CNTNAP2: variants seen among roughly 807,000 people sequenced by gnomAD.
CNTNAP2 encodes the protein contactin-associated protein-like 2.
A neutral mutation model predicts 155.2 loss-of-function variants in CNTNAP2; 98 were observed. The observed-to-expected ratio is 0.63, with a 90% CI of 0.54 to 0.75. The LOEUF (loss-of-function observed/expected upper bound fraction) is 0.75. Among genes scored for constraint, CNTNAP2 ranks in the 30% least tolerant of loss-of-function variants. The pLI, the probability that CNTNAP2 is intolerant of heterozygous loss-of-function variation, is 0.00. For synonymous variants in CNTNAP2, 651 were observed against 631.2 expected (o/e 1.03, Z -0.47); for missense variants, 1,727 against 1,688.1 (o/e 1.02, Z -0.40).
At chr7:146,804,144 G>A (rs959504478) in intron 2 of CNTNAP2, among the ~76,000 whole-genome samples, 6 of 152,012 alleles carry the variant, frequency 3.9e-5, no homozygotes, top group Non-Finnish European at 8.8e-5. Context: ...AAATGGGCTG[G>A]CAAAGGAAGC....
At chr7:147,269,962 T>C (rs1804704475) in intron 8 of CNTNAP2, among the ~76,000 whole-genome samples, 2 of 152,136 alleles carry the variant, frequency 1.3e-5, no homozygotes, top group East Asian at 1.9e-4. Flanking sequence ...TTCAGGAGGC[T>C]GAGATGGAAG....
At chr7:148,178,853 C>T (rs1794987826) in intron 18 of CNTNAP2, among the ~76,000 whole-genome samples, 1 of 152,214 alleles carries the variant, frequency 6.6e-6, no homozygotes, top group Non-Finnish European at 1.5e-5. Context: ...TTTGTTTTTA[C>T]TTAATTCATG....
intron 13 of CNTNAP2, among the ~76,000 whole-genome samples, chr7:147,801,352 T>G (rs574376121): frequency 6.6e-6 from 1 of 151,090 alleles, no homozygotes; most frequent in East Asian, 2.0e-4. Context: ...TATTGATCAT[T>G]CTTGGGTGTT....
chr7:148,314,628 C>T (rs1268872378), intron 21 of CNTNAP2, among the ~76,000 whole-genome samples: 1 of 151,668 alleles, frequency 6.6e-6, no homozygotes, highest in African/African-American at 2.4e-5. Context: ...AAAAGCGGTA[C>T]TTGCCGCTGA....
At chr7:148,379,455 G>A (rs1160638391) in intron 21 of CNTNAP2, among the ~76,000 whole-genome samples, 1 of 151,644 alleles carries the variant, frequency 6.6e-6, no homozygotes, top group African/African-American at 2.4e-5. Context: ...TATAATCCCA[G>A]CACTCTGGGA....
At chr7:146,563,885 T>G (rs1433556162) in intron 1 of CNTNAP2, among the ~76,000 whole-genome samples, 1 of 152,142 alleles carries the variant, frequency 6.6e-6, no homozygotes, top group African/African-American at 2.4e-5. Flanking sequence ...GTCTCCCTAA[T>G]TCATTCAGAG....
At chr7:147,376,119 A>G (rs752861489) in intron 9 of CNTNAP2, among the ~76,000 whole-genome samples, 4 of 152,082 alleles carry the variant, frequency 2.6e-5, no homozygotes, top group Non-Finnish European at 5.9e-5. Context: ...TAAAAGTTGC[A>G]TCTGTTAAAT....
chr7:146,732,263 T>C (rs1375606917), intron 1 of CNTNAP2, among the ~76,000 whole-genome samples: 2 of 152,148 alleles, frequency 1.3e-5, no homozygotes, highest in Non-Finnish European at 1.5e-5. Context: ...GCCGATGACA[T>C]AAAAGCTTAT....
At chr7:146,372,045 A>G (rs903817754) in intron 1 of CNTNAP2, among the ~76,000 whole-genome samples, 5 of 152,174 alleles carry the variant, frequency 3.3e-5, no homozygotes, top group Non-Finnish European at 5.9e-5. Context: ...AAATAAAGGT[A>G]ATTGTAAAGA....
chr7:146,858,200 G>A (rs1795030581), intron 3 of CNTNAP2, among the ~76,000 whole-genome samples: 1 of 152,216 alleles, frequency 6.6e-6, no homozygotes, highest in Non-Finnish European at 1.5e-5. Flanking sequence ...TGCCAGAGGA[G>A]TACTTAGTGT....
At chr7:147,404,187 C>T (rs1300132998) in intron 10 of CNTNAP2, among the ~76,000 whole-genome samples, 1 of 152,158 alleles carries the variant, frequency 6.6e-6, no homozygotes, top group Non-Finnish European at 1.5e-5. Flanking sequence ...TCACGTTATT[C>T]AAAACTCTAC....
intron 7 of CNTNAP2, among the ~76,000 whole-genome samples, chr7:147,130,022 T>G (rs911673230): frequency 3.9e-5 from 6 of 152,140 alleles, no homozygotes; most frequent in Non-Finnish European, 8.8e-5. Flanking sequence ...GCAAGAAGGA[T>G]ACAAACATTT....
Position 146,445,793 on chromosome 7 carries a change from G to T in CNTNAP2, c.98-328478G>T, listed in dbSNP as rs1302632215. Among the ~76,000 whole-genome samples the T allele has an allele frequency of 3.3e-5, 5 of 152,174 alleles. No homozygotes were observed. The South Asian group carries it at 1.0e-3, about 32-fold the overall frequency. ...GTAGTGGAAACAACATTTCCCACAA[G>T]CCTATTTATTGTAGCATTGACAGTA... On this transcript the variant is annotated intron_variant, in intron 1 of 23. Coordinates refer to ENST00000361727, the MANE Select transcript of CNTNAP2 (RefSeq NM_014141.6).
At chr7:147,301,720 C>G (rs925186956) in intron 9 of CNTNAP2, among the ~76,000 whole-genome samples, 1 of 150,412 alleles carries the variant, frequency 6.6e-6, no homozygotes, top group African/African-American at 2.4e-5. Flanking sequence ...CCTCAAGGTC[C>G]TAGAAAAAAT....
chr7:148,101,350 AGTGTGTGT>A (rs4015917), intron 15 of CNTNAP2, among the ~76,000 whole-genome samples: 7,402 of 144,350 alleles, frequency 0.051, 251 homozygotes, highest in Admixed American at 0.12. Context: ...TAAAAAGTTC[AGTGTGTGT>A]GTGTGTGTGT....
intron 20 of CNTNAP2, among the ~76,000 whole-genome samples, chr7:148,258,808 A>G (rs1044347479): frequency 2.6e-5 from 4 of 152,020 alleles, no homozygotes; most frequent in African/African-American, 9.7e-5. Flanking sequence ...AGGTGGGAGG[A>G]TCACTTGAGC....
intron 1 of CNTNAP2, among the ~76,000 whole-genome samples, chr7:146,498,047 A>T (rs988984999): frequency 6.6e-6 from 1 of 152,168 alleles, no homozygotes; most frequent in African/African-American, 2.4e-5. Flanking sequence ...GAGAAGTTAA[A>T]GGTACAAAGT....
chr7:148,131,192 G>A lies in CNTNAP2; in HGVS notation c.2554+12904G>A, dbSNP rs560221446. ...CAGCTCACCACAACCTCCGCCTCCCGGGTTCAAGCAATTCTCCTGCCTTGG... is the reference window on the plus strand; with the variant it reads ...CAGCTCACCACAACCTCCGCCTCCCAGGTTCAAGCAATTCTCCTGCCTTGG... On this transcript the variant is annotated intron_variant, in intron 16 of 23. Transcript: ENST00000361727. Among the ~76,000 whole-genome samples, 8 of 142,618 alleles carry A rather than the reference G, an allele frequency of 5.6e-5. No homozygotes were observed. The South Asian group carries it at 7.0e-4, about 13-fold the overall frequency. The allele number at this position is 142,618 out of a possible 152,430, so 93.6% of individuals were successfully genotyped here.
chr7:146,290,263 C>A (rs1003580151), intron 1 of CNTNAP2, among the ~76,000 whole-genome samples: 14 of 152,136 alleles, frequency 9.2e-5, no homozygotes, highest in Non-Finnish European at 1.9e-4. Flanking sequence ...AGCAGCATGA[C>A]AATGAACCTT....
Sources: gnomAD v4.1 joint callset for allele counts (sites outside exome capture counted in the v4.1 genomes callset) on GRCh38, gnomAD v4.1.1 for gene constraint, MANE v1.5 for transcripts, NCBI Gene and HGNC (gene_info 2026-07-23, HGNC 2026-07-21) for gene names.